CSMD1: variants seen among roughly 807,000 people sequenced by gnomAD.
CSMD1 encodes CUB and sushi domain-containing protein 1.
In CSMD1, 213 loss-of-function variants were observed where a neutral mutation model predicts 417.5. That is an observed-to-expected ratio of 0.51 (90% CI 0.46 to 0.57). The LOEUF is 0.57. Ranked by LOEUF, CSMD1 falls within the 20% of genes least tolerant of loss-of-function variation. The pLI, the probability that CSMD1 is intolerant of heterozygous loss-of-function variation, is 0.00. For missense variants in CSMD1, 6,923 were observed against 4,529.7 expected (o/e 1.53, Z -15.17); for synonymous variants, 2,862 against 1,736.8 (o/e 1.65, Z -16.11).
At chr8:3,447,156 G>A (rs1170662691) in intron 12 of CSMD1, among the ~76,000 whole-genome samples, 1 of 152,114 alleles carries the variant, frequency 6.6e-6, no homozygotes, top group Non-Finnish European at 1.5e-5. Flanking sequence ...AGAGCCACGG[G>A]CACTGATGAA....
chr8:3,188,301 TTTC>T (rs1424553119), intron 35 of CSMD1, among the ~76,000 whole-genome samples: 38 of 72,344 alleles, frequency 5.3e-4, no homozygotes, highest in Non-Finnish European at 9.3e-4. Context: ...TTTCTTTTCC[TTTC>T]TTTTTTTTTT....
chr8:4,195,406 C>A (rs933493397), intron 3 of CSMD1, among the ~76,000 whole-genome samples: 9 of 152,116 alleles, frequency 5.9e-5, no homozygotes, highest in Non-Finnish European at 1.2e-4. Flanking sequence ...ATCTGTTTGA[C>A]CCACCGATGC....
At chr8:3,760,461 T>G (rs1584955977) in intron 5 of CSMD1, among the ~76,000 whole-genome samples, 1 of 152,294 alleles carries the variant, frequency 6.6e-6, no homozygotes, top group South Asian at 2.1e-4. Context: ...CTCCAAATAA[T>G]TGTACCATAC....
intron 21 of CSMD1, among the ~76,000 whole-genome samples, chr8:3,349,221 G>A (rs554030814): frequency 1.3e-5 from 2 of 152,290 alleles, no homozygotes; most frequent in African/African-American, 2.4e-5. Context: ...GGTTGCTCAA[G>A]GTACTGCAGA....
intron 54 of CSMD1, among the ~76,000 whole-genome samples, chr8:2,982,820 A>G (rs1292395784): frequency 2.0e-5 from 3 of 152,192 alleles, no homozygotes; most frequent in African/African-American, 7.2e-5. Flanking sequence ...GAGAAACGTG[A>G]TAATTCCCAT....
At chr8:3,149,017 G>C (rs1487846282) in intron 40 of CSMD1, among the ~76,000 whole-genome samples, 1 of 152,110 alleles carries the variant, frequency 6.6e-6, no homozygotes, top group African/African-American at 2.4e-5. Flanking sequence ...TAAACCCTCA[G>C]GCTATGCAAT....
chr8:3,505,101 T>G (rs1167688915), intron 10 of CSMD1, among the ~76,000 whole-genome samples: 1 of 152,012 alleles, frequency 6.6e-6, no homozygotes, highest in Admixed American at 6.6e-5. Flanking sequence ...TGAAATAAAG[T>G]AACCCAAGCA....
chr8:3,992,386 A>T (rs1814822333), intron 5 of CSMD1, among the ~76,000 whole-genome samples: 1 of 152,174 alleles, frequency 6.6e-6, no homozygotes, highest in Admixed American at 6.5e-5. Context: ...TTTACTATTA[A>T]ATCAATCTAA....
At chr8:3,800,698 T>A (rs1800407378) in intron 5 of CSMD1, among the ~76,000 whole-genome samples, 1 of 152,216 alleles carries the variant, frequency 6.6e-6, no homozygotes, top group Non-Finnish European at 1.5e-5. Context: ...AGTGAGTTCT[T>A]GTTCTGACAA....
At chr8:4,228,603 T>C (rs1801511668) in intron 3 of CSMD1, among the ~76,000 whole-genome samples, 1 of 151,806 alleles carries the variant, frequency 6.6e-6, no homozygotes, top group African/African-American at 2.4e-5. Flanking sequence ...TTTTTTTTTT[T>C]TTCCTACCCT....
chr8:3,309,050 C>G (rs1354954994), intron 23 of CSMD1, among the ~76,000 whole-genome samples: 2 of 152,048 alleles, frequency 1.3e-5, no homozygotes, highest in Admixed American at 6.6e-5. Context: ...TCCGGAGTTC[C>G]ACAACTTCAT....
intron 10 of CSMD1, among the ~76,000 whole-genome samples, chr8:3,524,605 A>T (rs1297561000): frequency 6.6e-6 from 1 of 151,850 alleles, no homozygotes; most frequent in Non-Finnish European, 1.5e-5. Flanking sequence ...ACACATCCAC[A>T]CACATGCACA....
chr8:3,459,881 A>AG (rs1436691180), intron 12 of CSMD1, among the ~76,000 whole-genome samples: 1 of 152,114 alleles, frequency 6.6e-6, no homozygotes, highest in Non-Finnish European at 1.5e-5. Flanking sequence ...TTAAAAAAAA[A>AG]CTGGAGTGGT....
intron 5 of CSMD1, among the ~76,000 whole-genome samples, chr8:3,954,264 G>C (rs956374945): frequency 5.3e-5 from 8 of 152,216 alleles, no homozygotes; most frequent in East Asian, 1.9e-4. Context: ...TATTTTAAAA[G>C]ACCTTAGAAC....
chr8:3,628,978 G>A (rs930029234), intron 7 of CSMD1, among the ~76,000 whole-genome samples: 2 of 152,116 alleles, frequency 1.3e-5, no homozygotes, highest in African/African-American at 4.8e-5. Context: ...AGAAGGGAAG[G>A]AGGATAGAGA....
At chr8:4,264,049 T>A (rs1180260462) in intron 3 of CSMD1, among the ~76,000 whole-genome samples, 3 of 152,142 alleles carry the variant, frequency 2.0e-5, no homozygotes, top group Non-Finnish European at 4.4e-5. Flanking sequence ...GGCAAGTTTG[T>A]TAACTACCTG....
At chr8:4,684,682 C>A (rs1806260596) in intron 1 of CSMD1, among the ~76,000 whole-genome samples, 1 of 152,130 alleles carries the variant, frequency 6.6e-6, no homozygotes, top group Non-Finnish European at 1.5e-5. Flanking sequence ...ACATGTGAAA[C>A]ATCATACATA....
intron 5 of CSMD1, among the ~76,000 whole-genome samples, chr8:3,806,079 T>C (rs1221548548): frequency 6.6e-6 from 1 of 152,170 alleles, no homozygotes; most frequent in Admixed American, 6.5e-5. Flanking sequence ...CAAAAATTGT[T>C]GGTTTAGTGG....
chr8:3,301,723 T>C (rs1441721601), intron 25 of CSMD1, among the ~76,000 whole-genome samples: 1 of 152,110 alleles, frequency 6.6e-6, no homozygotes, highest in African/African-American at 2.4e-5. Flanking sequence ...AGCCAAATTC[T>C]AGAGGGTATT....
Sources: allele counts gnomAD v4.1 joint callset (sites outside exome capture counted in the v4.1 genomes callset), GRCh38; gene constraint gnomAD v4.1.1; transcripts MANE v1.5; gene names NCBI Gene and HGNC (gene_info 2026-07-23, HGNC 2026-07-21).